FRMD6: variants seen among roughly 807,000 people sequenced by gnomAD.
FRMD6 encodes FERM domain containing 6, also known as FERM domain-containing protein 6.
A neutral mutation model predicts 73.2 loss-of-function variants in FRMD6; 37 were observed. The observed-to-expected ratio is 0.51, with a 90% CI of 0.39 to 0.66. The LOEUF is 0.66. FRMD6 is among the 30% of genes least tolerant of loss of function. The pLI is 0.00. For missense variants in FRMD6, 714 were observed against 780.5 expected (o/e 0.91, Z 1.02); for synonymous variants, 273 against 282.2 (o/e 0.97, Z 0.33).
rs149301797 is a variant in FRMD6, at chr14:51,730,674, T to C, written c.*2645T>C. 1 of 152,430 alleles carries C rather than the reference T, an allele frequency of 6.6e-6. No homozygotes were observed. Among genetic ancestry groups the C allele is most frequent in the Admixed American group, 6.5e-5 (1 of 15,302 alleles). 9.4% of individuals were successfully genotyped at this position (152,430 alleles called of 1,614,324 possible). The stretch of plus-strand genomic sequence containing the variant: ...TGCATTATTTTGTAATTATTTCTTA[T>C]AGATATTTCATGGTAAGATTAGCAG... On this transcript the variant is annotated 3_prime_UTR_variant, in exon 14 of 14. Transcript: ENST00000344768.
At chr14:51,556,730 T>C (rs189414543) in intron 1 of FRMD6, among the ~76,000 whole-genome samples, 1 of 152,304 alleles carries the variant, frequency 6.6e-6, no homozygotes, top group African/African-American at 2.4e-5. Context: ...ATCTGCAATA[T>C]AGTAATATTA....
intron 1 of FRMD6, among the ~76,000 whole-genome samples, chr14:51,663,101 A>T (rs1204982789): frequency 6.6e-6 from 1 of 152,198 alleles, no homozygotes; most frequent in African/African-American, 2.4e-5. Context: ...GGCTATTAAA[A>T]TGTTAAAAAA....
intron 1 of FRMD6, among the ~76,000 whole-genome samples, chr14:51,683,631 C>T (rs1476714754): frequency 6.6e-6 from 1 of 152,064 alleles, no homozygotes; most frequent in East Asian, 1.9e-4. Flanking sequence ...CCCAAATAAC[C>T]TGATAGCTAA....
At chr14:51,651,291 C>G (rs998655074), upstream of FRMD6, 2 of 152,350 alleles carry the variant, frequency 1.3e-5, no homozygotes, top group Middle Eastern at 3.2e-3. Context: ...GTGAAACCCA[C>G]GAGGCGCGGC....
intron 1 of FRMD6, among the ~76,000 whole-genome samples, chr14:51,661,988 C>A (rs1893247989): frequency 6.6e-6 from 1 of 152,094 alleles, no homozygotes; most frequent in Admixed American, 6.6e-5. Flanking sequence ...GAGCTTTTCC[C>A]TAGTTATTAT....
intron 2 of FRMD6, among the ~76,000 whole-genome samples, chr14:51,582,006 T>C (rs1231682551): frequency 1.3e-5 from 2 of 152,230 alleles, no homozygotes; most frequent in African/African-American, 4.8e-5. Context: ...AGGGCTTATC[T>C]TTTATCTTAG....
At chr14:51,471,301 AAC>A in the FRMD6 span, among the ~76,000 whole-genome samples, 1 of 152,138 alleles carries the variant, frequency 6.6e-6, no homozygotes, top group South Asian at 2.1e-4. Flanking sequence ...CATTCTGGCT[AAC>A]ACAGTGAAAC....
chr14:51,533,910 C>A (rs1338261186), intron 1 of FRMD6, among the ~76,000 whole-genome samples: 1 of 152,170 alleles, frequency 6.6e-6, no homozygotes, highest in African/African-American at 2.4e-5. Flanking sequence ...CTACTTTCTT[C>A]AATGTGGATC....
chr14:51,485,468 C>G (rs748596934), upstream of FRMD6, among the ~76,000 whole-genome samples: 3 of 152,152 alleles, frequency 2.0e-5, no homozygotes, highest in Admixed American at 6.5e-5. Flanking sequence ...ACTATTCAAC[C>G]CACTATAGTG....
At chr14:51,488,330 G>A (rs1407194301), upstream of FRMD6, among the ~76,000 whole-genome samples, 1 of 152,188 alleles carries the variant, frequency 6.6e-6, no homozygotes, top group Non-Finnish European at 1.5e-5. Flanking sequence ...GAAAATCAAA[G>A]TTTTGATACA....
At chr14:51,641,115 C>T (rs1015208041) in intron 2 of FRMD6, among the ~76,000 whole-genome samples, 5 of 151,954 alleles carry the variant, frequency 3.3e-5, no homozygotes, top group Non-Finnish European at 7.4e-5. Flanking sequence ...GGATTATAGG[C>T]GATGCCACCA....
Position 51,605,139 on chromosome 14 carries a change from C to CTTTTTTTT in FRMD6, c.-147+34741_-147+34748dup, listed in dbSNP as rs11389733. On this transcript the variant is annotated intron_variant, in intron 2 of 14. Transcript: ENST00000356218. ...ATGCTATTTACTTCTCTGCAGGTTT[C>CTTTTTTTT]TTTTTTTTTTTTTTTTTTTATTGAT... Among the ~76,000 whole-genome samples, 94 of 119,440 alleles carry CTTTTTTTT rather than the reference C, an allele frequency of 7.9e-4. 1 individual carries two copies. Among genetic ancestry groups the CTTTTTTTT allele is most frequent in the Admixed American group, 9.0e-4 (10 of 11,144 alleles). The allele number at this position is 119,440 out of a possible 152,430, so 78.4% of individuals were successfully genotyped here. A position where few individuals can be genotyped will look rare whatever the true frequency, so the allele number is the denominator to read the frequency against.
intron 1 of FRMD6, among the ~76,000 whole-genome samples, chr14:51,552,080 G>A (rs1596583336): frequency 6.6e-6 from 1 of 152,266 alleles, no homozygotes; most frequent in African/African-American, 2.4e-5. Context: ...GAGAATAAAT[G>A]AGAAAACATA....
intron 1 of FRMD6, among the ~76,000 whole-genome samples, chr14:51,652,556 C>T (rs1355549676): frequency 3.3e-5 from 5 of 152,236 alleles, no homozygotes; most frequent in Non-Finnish European, 7.3e-5. Flanking sequence ...CCGGACAGCC[C>T]GGCTGCGGGA....
At chr14:51,496,479 G>A (rs1326366017) in intron 1 of FRMD6, among the ~76,000 whole-genome samples, 1 of 152,198 alleles carries the variant, frequency 6.6e-6, no homozygotes, top group Admixed American at 6.5e-5. Context: ...AGATAGAGAT[G>A]GTTGGAATAG....
intron 2 of FRMD6, among the ~76,000 whole-genome samples, chr14:51,636,799 C>T (rs1010017277): frequency 6.6e-6 from 1 of 151,886 alleles, no homozygotes; most frequent in African/African-American, 2.4e-5. Flanking sequence ...AGAGGGGTGA[C>T]GTGAGGGGAG....
chr14:51,640,482 C>T (rs1210880747), intron 2 of FRMD6, among the ~76,000 whole-genome samples: 2 of 152,154 alleles, frequency 1.3e-5, no homozygotes, highest in Non-Finnish European at 2.9e-5. Context: ...GGTACTGATA[C>T]ATTGCCAAGT....
chr14:51,443,944 T>TTG, the FRMD6 span, among the ~76,000 whole-genome samples: 4 of 3,018 alleles, frequency 1.3e-3, no homozygotes, highest in East Asian at 0.031. Context: ...AAGTTGTGAG[T>TTG]TTTTTTTTTT....
the FRMD6 span, among the ~76,000 whole-genome samples, chr14:51,437,580 G>A: frequency 3.9e-5 from 6 of 152,322 alleles, no homozygotes; most frequent in East Asian, 1.9e-4. Context: ...GGGATTACAG[G>A]CGTGAGCCAC....
Sources: allele counts gnomAD v4.1 joint callset (sites outside exome capture counted in the v4.1 genomes callset), GRCh38; gene constraint gnomAD v4.1.1; transcripts MANE v1.5; gene names NCBI Gene and HGNC (gene_info 2026-07-23, HGNC 2026-07-21).